Variants in SNRNP200 observed in about 807,000 individuals in gnomAD.
SNRNP200 encodes the protein U5 small nuclear ribonucleoprotein 200 kDa helicase.
Under a neutral mutation model 255.2 loss-of-function variants are expected in SNRNP200, and 66 were observed. The ratio of observed to expected loss-of-function variants is 0.26; its 90% confidence interval spans 0.21 to 0.32. The LOEUF is 0.32. SNRNP200 is among the 10% of genes least tolerant of loss of function. SNRNP200 has a pLI of 1.00. For missense variants in SNRNP200, 1,585 were observed against 2,749.8 expected, an observed-to-expected ratio of 0.58 and a Z score of 9.47; for synonymous variants, 939 against 1,027.8, an observed-to-expected ratio of 0.91 and a Z score of 1.65.
rs371911437 is a variant in SNRNP200 at position 96,297,402 on chromosome 2, A to G, written c.1338T>C (p.His446=). 1.1e-5 allele frequency: 17 copies of G among 1,614,030 alleles called. No homozygotes were observed. The highest frequency in any genetic ancestry group is 8.0e-5 in the African/African-American group (6 of 74,936). ...AGGGCTTGGGCTTCAGAGCAGGCAC[A>G]TGCACCTCTTCATAGCCCTTACGCT... ...RRQRKGYEEV[H]VPALKPKPFG... The change falls in exon 11 of 45, where the codon CAT becomes CAC. Residue 446 remains histidine, a synonymous_variant. Coordinates refer to ENST00000323853, the MANE Select transcript of SNRNP200 (RefSeq NM_014014.5).
At position 96,297,392 on chromosome 2, in the gene SNRNP200, G is replaced by A; in HGVS notation, c.1348C>T (p.Leu450=). Reference sequence around the variant, plus strand: ...TCTGAGCCAAAGGGCTTGGGCTTCAGAGCAGGCACATGCACCTCTTCATAG... The same window carrying A: ...TCTGAGCCAAAGGGCTTGGGCTTCAAAGCAGGCACATGCACCTCTTCATAG... ...KGYEEVHVPA[L]KPKPFGSEEQ... The change falls in exon 11 of 45, where the codon CTG becomes TTG. Residue 450 remains leucine (L), a synonymous_variant. Coordinates refer to ENST00000323853, the MANE Select transcript of SNRNP200 (RefSeq NM_014014.5). 1 of 1,614,046 alleles carries A rather than the reference G, an allele frequency of 6.2e-7. No homozygotes were observed. Among genetic ancestry groups the A allele is most frequent in the Non-Finnish European group, 8.5e-7 (1 of 1,180,032 alleles).
At position 96,296,862 on chromosome 2, in the gene SNRNP200, TA is replaced by T. The variant is rs569706843; in HGVS notation, c.1515+70del. The T allele has an allele frequency of 8.2e-5, 131 of 1,606,890 alleles. No homozygotes were observed. The East Asian group carries it at 2.9e-3, about 35-fold the overall frequency. On this transcript the variant is annotated intron_variant, in intron 12 of 44. Coordinates refer to ENST00000323853, the MANE Select transcript of SNRNP200 (RefSeq NM_014014.5). The stretch of plus-strand genomic sequence containing the variant: ...AAGAATTAGGGGGTGGGGGTGGAAA[TA>T]AAAAACAATCTTGCAACGGAAACTC...
chr2:96,293,809 G>A (rs1332121882), intron 14 of SNRNP200, among the ~76,000 whole-genome samples: 1 of 152,172 alleles, frequency 6.6e-6, no homozygotes, highest in East Asian at 1.9e-4. Context: ...TATGAAAAAG[G>A]ATATAAATAT....
intron 43 of SNRNP200, among the ~76,000 whole-genome samples, chr2:96,275,620 G>C (rs1036086420): frequency 3.3e-5 from 5 of 152,148 alleles, no homozygotes; most frequent in African/African-American, 1.2e-4. Flanking sequence ...CTAAGTCCAA[G>C]GTACTACTAT....
Position 96,292,006 on chromosome 2 carries a change from G to A in SNRNP200, c.2161-106C>T, listed in dbSNP as rs117989096. 1.8e-3 allele frequency: 2,299 copies of A among 1,282,268 alleles called. 57 individuals are homozygous for A. The East Asian group carries it at 0.049, about 27-fold the overall frequency. The allele number at this position is 1,282,268 out of a possible 1,614,324, so 79.4% of individuals were successfully genotyped here. A position where few individuals can be genotyped will look rare whatever the true frequency, so the allele number is the denominator to read the frequency against. ...CATCACCACCAGAAGCCAAGGTCCT[G>A]GAGAGGGGCAAGGGCAGGAATGTGT... On this transcript the variant is annotated intron_variant, in intron 16 of 44. Transcript: ENST00000323853.
At chr2:96,297,607 G>C in intron 10 of SNRNP200, 30 bp downstream of exon 10, 1 of 1,614,102 alleles carries the variant, frequency 6.2e-7, no homozygotes, top group East Asian at 2.2e-5. Flanking sequence ...ATCCATCAAG[G>C]CCTGGGAAAT....
intron 5 of SNRNP200, among the ~76,000 whole-genome samples, chr2:96,300,762 C>CAA (rs571776850): frequency 3.7e-5 from 5 of 136,246 alleles, no homozygotes; most frequent in East Asian, 2.1e-4. Flanking sequence ...GACTCCGTCT[C>CAA]AAAAAAAAAA....
At chr2:96,305,252 A>AGT (rs1382633644) in intron 1 of SNRNP200, 141 bp downstream of exon 1, 6 of 1,127,264 alleles carry the variant, frequency 5.3e-6, no homozygotes, top group Non-Finnish European at 8.1e-6. Context: ...GTCATCGTAT[A>AGT]ACCCCCACCT....
At chr2:96,295,916 C>G (rs558527907) in intron 13 of SNRNP200, among the ~76,000 whole-genome samples, 1 of 152,132 alleles carries the variant, frequency 6.6e-6, no homozygotes, top group Non-Finnish European at 1.5e-5. Flanking sequence ...GAGGCCAACG[C>G]AGGCAGAATG....
chr2:96,275,530 T>A (rs963804599), intron 43 of SNRNP200, among the ~76,000 whole-genome samples, 181 bp from the exon 44 acceptor site: 1 of 152,228 alleles, frequency 6.6e-6, no homozygotes, highest in Non-Finnish European at 1.5e-5. Flanking sequence ...CAGACTTAAT[T>A]TTTTAAGTAG....
intron 6 of SNRNP200, among the ~76,000 whole-genome samples, 157 bp from the exon 7 acceptor site, chr2:96,299,124 C>T (rs2063937305): frequency 6.6e-6 from 1 of 152,180 alleles, no homozygotes; most frequent in African/African-American, 2.4e-5. Context: ...TTCAGAAGCA[C>T]ACCAGACTAA....
Position 96,300,602 on chromosome 2 carries a change from A to T in SNRNP200, c.630+396T>A, listed in dbSNP as rs564979289. ...CACGGTGAAACCCCGTCTCCACTAAAAATATAAAAAATTAGCCGGGCATGG... is the reference window on the plus strand; with the variant it reads ...CACGGTGAAACCCCGTCTCCACTAATAATATAAAAAATTAGCCGGGCATGG... On this transcript the variant is annotated intron_variant, in intron 5 of 44. Coordinates refer to ENST00000323853, the MANE Select transcript of SNRNP200 (RefSeq NM_014014.5). Among the ~76,000 whole-genome samples, 150 of 152,210 alleles carry T rather than the reference A, an allele frequency of 9.9e-4. 4 individuals carry two copies. The South Asian group carries it at 0.031, about 31-fold the overall frequency.
At chr2:96,302,533 T>C (rs1425736787) in intron 3 of SNRNP200, among the ~76,000 whole-genome samples, 1 of 152,146 alleles carries the variant, frequency 6.6e-6, no homozygotes, top group Non-Finnish European at 1.5e-5. Context: ...ATCCAAAAAT[T>C]GTGCAGTGGA....
chr2:96,277,279 C>A lies in SNRNP200; in HGVS notation c.5932-38G>T. 1 of 1,609,730 alleles carries A rather than the reference C, an allele frequency of 6.2e-7. No individual in the cohort carries two copies. The highest frequency in any genetic ancestry group is 8.5e-7 in the Non-Finnish European group (1 of 1,176,188). On this transcript the variant is annotated intron_variant, in intron 41 of 44. Coordinates refer to ENST00000323853, the MANE Select transcript of SNRNP200 (RefSeq NM_014014.5). The surrounding 1 kb of genome is among the most constrained non-coding windows in gnomAD (Gnocchi z 4.4). The stretch of plus-strand genomic sequence containing the variant: ...TTCAGACGTCAGGAAAGAGAGAACA[C>A]GGGCCAACAGCAAATGACACAGGCA...
intron 34 of SNRNP200, 172 bp from the exon 35 acceptor site, chr2:96,282,094 G>A (rs1006824415): frequency 1.1e-4 from 69 of 605,506 alleles, no homozygotes; most frequent in Admixed American, 2.5e-4. Context: ...CTATGAGGTA[G>A]CTCCACGCTG....
chr2:96,302,618 T>C (rs961914957), intron 3 of SNRNP200, among the ~76,000 whole-genome samples: 2 of 152,180 alleles, frequency 1.3e-5, no homozygotes, highest in African/African-American at 4.8e-5. Context: ...TCCCACAGAC[T>C]GAGGACTCAG....
chr2:96,301,145 C>T, intron 4 of SNRNP200, 92 bp from the exon 5 acceptor site: 1 of 1,050,290 alleles, frequency 9.5e-7, no homozygotes, highest in Non-Finnish European at 1.5e-6. Context: ...TACCTCTCCT[C>T]AGGAAAGATC....
At chr2:96,285,062 C>G (rs891106537) in intron 30 of SNRNP200, 118 bp downstream of exon 30, 2 of 1,295,378 alleles carry the variant, frequency 1.5e-6, no homozygotes, top group Non-Finnish European at 2.2e-6. Flanking sequence ...GGCAGCTTTT[C>G]TTTAATACAC....
At chr2:96,298,488 A>G in intron 8 of SNRNP200, 68 bp from the exon 9 acceptor site, 1 of 1,611,000 alleles carries the variant, frequency 6.2e-7, no homozygotes, top group Non-Finnish European at 8.5e-7. Context: ...TCCTCAGGGT[A>G]GAAAGAAGAA....
Sources: gnomAD v4.1 joint callset for allele counts (sites outside exome capture counted in the v4.1 genomes callset) on GRCh38, gnomAD v4.1.1 for gene constraint, Gnocchi (gnomAD v3.1) non-coding constraint, MANE v1.5 for transcripts, NCBI Gene and HGNC (gene_info 2026-07-23, HGNC 2026-07-21) for gene names.